Variants in AMMECR1 observed in about 807,000 individuals in gnomAD.
The protein encoded by AMMECR1 is nuclear protein AMMECR1.
In AMMECR1, 3 loss-of-function variants were observed where a neutral mutation model predicts 22.5. The observed-to-expected ratio is 0.13, with a 90% CI of 0.06 to 0.35. The LOEUF is 0.35. Among genes scored for constraint, AMMECR1 ranks in the 10% least tolerant of loss-of-function variants. AMMECR1 has a pLI of 1.00. For missense variants in AMMECR1, 235 were observed against 278.7 expected (o/e 0.84, Z 1.12); for synonymous variants, 130 against 116.7 (o/e 1.11, Z -0.74).
chrX:110,410,638 G>T (rs1485839370), intron 2 of AMMECR1, among the ~76,000 whole-genome samples: 1 of 111,807 alleles, frequency 8.9e-6, no homozygotes, highest in East Asian at 2.8e-4. Flanking sequence ...TCTCCTGGGG[G>T]TAGCAGCTTT....
chrX:110,301,852 C>A (rs2067968673), intron 1 of AMMECR1, among the ~76,000 whole-genome samples: 2 of 111,871 alleles, frequency 1.8e-5, no homozygotes, highest in South Asian at 7.4e-4. Flanking sequence ...AATCAAAAAT[C>A]CATGACTTTA....
At chrX:110,391,801 A>G (rs2068495483) in intron 2 of AMMECR1, among the ~76,000 whole-genome samples, 1 of 112,482 alleles carries the variant, frequency 8.9e-6, no homozygotes, top group South Asian at 3.7e-4. Context: ...TGGACCGAAC[A>G]GCATAGTCGT....
rs763034741 is a variant in AMMECR1, at chrX:110,245,228, G to A, written c.584+19261C>T. On this transcript the variant is annotated intron_variant, in intron 2 of 5. Transcript: ENST00000262844. ...AGTCTGACAAAATCACAACTTGGAA[G>A]TGGCCTGACTACTGGCAATTGTTAA... Among the ~76,000 whole-genome samples, 88 of 112,035 alleles carry A rather than the reference G, an allele frequency of 7.9e-4. 1 individual carries two copies. The highest frequency in any genetic ancestry group is 1.5e-3 in the Non-Finnish European group (82 of 53,200).
intron 2 of AMMECR1, among the ~76,000 whole-genome samples, chrX:110,232,005 G>C (rs1377278625): frequency 2.7e-5 from 3 of 111,436 alleles, no homozygotes; most frequent in Non-Finnish European, 5.7e-5. Context: ...GGAGCACCCA[G>C]ATTCATAAAT....
At chrX:110,255,656 C>A (rs972189897) in intron 2 of AMMECR1, among the ~76,000 whole-genome samples, 1 of 111,629 alleles carries the variant, frequency 9.0e-6, no homozygotes, top group Admixed American at 9.6e-5. Context: ...TTAATTAAAG[C>A]TTCTGAAGAA....
intron 2 of AMMECR1, among the ~76,000 whole-genome samples, chrX:110,356,984 C>A (rs1191650613): frequency 8.9e-6 from 1 of 111,757 alleles, no homozygotes; most frequent in Non-Finnish European, 1.9e-5. Flanking sequence ...AATTTAGCAT[C>A]TATTTTTAAG....
intron 2 of AMMECR1, among the ~76,000 whole-genome samples, chrX:110,410,682 T>C (rs1239839900): frequency 9.0e-6 from 1 of 111,426 alleles, no homozygotes; most frequent in Non-Finnish European, 1.9e-5. Context: ...TTGGGAAGCA[T>C]GGAGGGAGAA....
At chrX:110,400,534 C>T (rs1281902711) in intron 2 of AMMECR1, among the ~76,000 whole-genome samples, 1 of 110,878 alleles carries the variant, frequency 9.0e-6, no homozygotes, top group East Asian at 2.8e-4. Flanking sequence ...TCTCACCAGT[C>T]CTCACTACAT....
chrX:110,259,297 TC>T (rs2067726509), intron 2 of AMMECR1, among the ~76,000 whole-genome samples: 1 of 111,719 alleles, frequency 9.0e-6, no homozygotes, highest in Non-Finnish European at 1.9e-5. Context: ...ATTGCTAATT[TC>T]TTAGAATTAA....
At chrX:110,361,346 A>T (rs992983371) in intron 2 of AMMECR1, among the ~76,000 whole-genome samples, 1 of 111,642 alleles carries the variant, frequency 9.0e-6, no homozygotes, top group African/African-American at 3.3e-5. Flanking sequence ...TTATGTCACA[A>T]TGATCTGCTT....
At chrX:110,294,998 C>T (rs1207882981) in intron 1 of AMMECR1, among the ~76,000 whole-genome samples, 2 of 109,776 alleles carry the variant, frequency 1.8e-5, no homozygotes, top group Non-Finnish European at 3.8e-5. Context: ...TAACAGATAA[C>T]TAAATTCTAA....
At chrX:110,345,510 A>G (rs1210576663) in intron 2 of AMMECR1, among the ~76,000 whole-genome samples, 1 of 109,137 alleles carries the variant, frequency 9.2e-6, no homozygotes, top group Non-Finnish European at 1.9e-5. Context: ...AAATATATAT[A>G]TATATATAAA....
chrX:110,225,080 A>G, intron 2 of AMMECR1: 1 of 368,490 alleles, frequency 2.7e-6, no homozygotes, highest in South Asian at 2.5e-5. Flanking sequence ...GTTTTGATTG[A>G]GTATTCTTAT....
intron 2 of AMMECR1, among the ~76,000 whole-genome samples, chrX:110,256,159 C>T (rs907041026): frequency 1.8e-5 from 2 of 111,629 alleles, no homozygotes; most frequent in African/African-American, 6.5e-5. Flanking sequence ...ATGATATAGC[C>T]TATTGCTCCT....
At chrX:110,254,275 C>T (rs1193200748) in intron 2 of AMMECR1, among the ~76,000 whole-genome samples, 1 of 111,440 alleles carries the variant, frequency 9.0e-6, no homozygotes, top group Non-Finnish European at 1.9e-5. Flanking sequence ...TAGTATTAGA[C>T]CAGAGTATCT....
chrX:110,378,742 A>G (rs942710122), intron 2 of AMMECR1, among the ~76,000 whole-genome samples: 3 of 111,696 alleles, frequency 2.7e-5, no homozygotes. Flanking sequence ...GACACATGCC[A>G]CCAATTTCAT....
At chrX:110,339,935 C>T (rs1265873925) in intron 2 of AMMECR1, among the ~76,000 whole-genome samples, 1 of 104,572 alleles carries the variant, frequency 9.6e-6, no homozygotes, top group Non-Finnish European at 2.0e-5. Context: ...ATTTAAAATG[C>T]CAATTTAGGA....
chrX:110,264,373 C>T (rs1424157374), intron 2 of AMMECR1, 116 bp downstream of exon 2: 3 of 445,483 alleles, frequency 6.7e-6, no homozygotes, highest in Non-Finnish European at 1.2e-5. Context: ...AAAAACCTGA[C>T]ATGAAGGAAG....
intron 2 of AMMECR1, among the ~76,000 whole-genome samples, chrX:110,370,593 T>G (rs913307807): frequency 8.9e-6 from 1 of 112,629 alleles, no homozygotes; most frequent in African/African-American, 3.2e-5. Context: ...GTTAATTACT[T>G]AATTTTCTTA....
Sources: gnomAD v4.1 joint callset for allele counts (sites outside exome capture counted in the v4.1 genomes callset) on GRCh38, gnomAD v4.1.1 for gene constraint, MANE v1.5 for transcripts, NCBI Gene and HGNC (gene_info 2026-07-23, HGNC 2026-07-21) for gene names.